The following SHOC1 variants were observed in gnomAD, a reference collection of about 807,000 sequenced individuals.
SHOC1 encodes the protein shortage in chiasmata 1, also known as protein shortage in chiasmata 1 ortholog.
In SHOC1, 136 loss-of-function variants were observed where a neutral mutation model predicts 179.2. The ratio of observed to expected loss-of-function variants is 0.76; its 90% CI spans 0.66 to 0.87. SHOC1 has a LOEUF of 0.87. SHOC1 is among the 40% of genes least tolerant of loss of function. The pLI is 0.00. For synonymous variants in SHOC1, 489 were observed against 586.6 expected, an observed-to-expected ratio of 0.83 and a Z score of 2.41; for missense variants, 1,538 against 1,700.8, an observed-to-expected ratio of 0.90 and a Z score of 1.68.
chr9:111,700,463 G>C (rs1028213202), intron 23 of SHOC1, among the ~76,000 whole-genome samples: 28 of 152,252 alleles, frequency 1.8e-4, no homozygotes, highest in African/African-American at 6.7e-4. Flanking sequence ...GTTAGAAAAT[G>C]CATCTTTTTC....
chr9:111,718,420 C>T, intron 15 of SHOC1, 132 bp from the exon 16 acceptor site: 1 of 472,628 alleles, frequency 2.1e-6, no homozygotes, highest in South Asian at 4.5e-5. Context: ...TGTATATAAG[C>T]TGGCTATTTC....
At chr9:111,754,126 A>T (rs1834742830) in intron 8 of SHOC1, among the ~76,000 whole-genome samples, 1 of 152,220 alleles carries the variant, frequency 6.6e-6, no homozygotes, top group Admixed American at 6.5e-5. Flanking sequence ...ATGTATATGT[A>T]TATCAAAATA....
At chr9:111,755,356 C>T (rs1414936017) in intron 8 of SHOC1, among the ~76,000 whole-genome samples, 3 of 152,154 alleles carry the variant, frequency 2.0e-5, no homozygotes, top group African/African-American at 7.2e-5. Context: ...AACAGTAATT[C>T]CCTGATTTAG....
At chr9:111,765,864 C>T (rs1835333864) in intron 5 of SHOC1, among the ~76,000 whole-genome samples, 2 of 151,966 alleles carry the variant, frequency 1.3e-5, no homozygotes, top group Non-Finnish European at 2.9e-5. Context: ...CAGGTGCACA[C>T]CACCACACCC....
At chr9:111,687,021 C>T (rs992394341) in intron 27 of SHOC1, 151 bp from the exon 28 acceptor site, 3 of 412,324 alleles carry the variant, frequency 7.3e-6, no homozygotes, top group African/African-American at 2.1e-5. Flanking sequence ...TCTCGGCTCA[C>T]TTGCAACATC....
chr9:111,719,309 G>C (rs1196698993), intron 15 of SHOC1, among the ~76,000 whole-genome samples: 1 of 152,080 alleles, frequency 6.6e-6, no homozygotes, highest in African/African-American at 2.4e-5. Flanking sequence ...CAACTCTGGG[G>C]CCAATGAAAG....
intron 27 of SHOC1, among the ~76,000 whole-genome samples, chr9:111,690,935 G>A (rs919986557): frequency 6.6e-6 from 1 of 152,044 alleles, no homozygotes; most frequent in African/African-American, 2.4e-5. Flanking sequence ...ACCTTTGTAC[G>A]GCTGTTAGAA....
chr9:111,704,322 A>G (rs1008811178), intron 21 of SHOC1, among the ~76,000 whole-genome samples: 9 of 152,232 alleles, frequency 5.9e-5, no homozygotes, highest in African/African-American at 2.2e-4. Context: ...TTCTGCATTT[A>G]TCAGAATTTC....
chr9:111,727,874 C>T lies in SHOC1; in HGVS notation c.1593G>A (p.Lys531=), dbSNP rs1373959554. ...DKGAAKEEKP[K]NDQEPVNRII... ...TTCTGTTTACTGGTTCTTGGTCATT[C>T]TTTGGTTTTTCTTCTTTTGCTGCTC... is the stretch of plus-strand genomic sequence containing the variant. Residue 531 remains lysine, a synonymous_variant, in exon 13 of 28, where the codon AAG becomes AAA. Transcript: ENST00000682961. 1 of 1,612,620 alleles carries T rather than the reference C, an allele frequency of 6.2e-7. No individual in the cohort carries two copies. Among genetic ancestry groups the T allele is most frequent in the Non-Finnish European group, 8.5e-7 (1 of 1,179,494 alleles).
At chr9:111,753,122 T>A (rs1287301807) in intron 8 of SHOC1, among the ~76,000 whole-genome samples, 1 of 152,220 alleles carries the variant, frequency 6.6e-6, no homozygotes, top group Non-Finnish European at 1.5e-5. Flanking sequence ...CCTAGTTTTT[T>A]AAACTATATA....
intron 13 of SHOC1, among the ~76,000 whole-genome samples, chr9:111,727,088 C>T (rs1833327076): frequency 6.6e-6 from 1 of 152,056 alleles, no homozygotes; most frequent in Admixed American, 6.6e-5. Context: ...TTCTGGAATG[C>T]CTATTTTATT....
At chr9:111,735,717 G>A (rs1407835808) in intron 12 of SHOC1, among the ~76,000 whole-genome samples, 2 of 152,132 alleles carry the variant, frequency 1.3e-5, no homozygotes, top group East Asian at 3.9e-4. Flanking sequence ...TGGGATTGCT[G>A]GGTCAAATGG....
At position 111,722,559 on chromosome 9, in the gene SHOC1, G is replaced by T. The variant is rs780605235; in HGVS notation, c.1981C>A (p.Leu661Ile). ...SDSQCQAFCL[L>I]EAAASPILKN... The stretch of plus-strand genomic sequence containing the variant: ...AAGATAGGAGAAGCTGCTGCTTCGA[G>T]GAGGCAAAATGCTTGGCACTGGCTA... The change falls in exon 15 of 28, where the codon CTC (leucine) becomes ATC (isoleucine). Residue 661 changes from leucine (L) to isoleucine (I), a missense_variant. Transcript: ENST00000682961. 6.2e-7 allele frequency: 1 copy of T among 1,604,290 alleles called. No homozygotes were observed. Among genetic ancestry groups the T allele is most frequent in the Non-Finnish European group, 8.5e-7 (1 of 1,177,958 alleles).
intron 6 of SHOC1, among the ~76,000 whole-genome samples, 172 bp from the exon 7 acceptor site, chr9:111,758,367 G>C (rs1223739670): frequency 6.6e-6 from 1 of 152,148 alleles, no homozygotes; most frequent in Non-Finnish European, 1.5e-5. Context: ...AGGCCGAGGC[G>C]GGTGGATCAC....
At chr9:111,740,882 TTTTG>T (rs765635953) in intron 11 of SHOC1, among the ~76,000 whole-genome samples, 40 of 152,206 alleles carry the variant, frequency 2.6e-4, no homozygotes, top group Non-Finnish European at 5.4e-4. Context: ...ATTTTTTTTG[TTTTG>T]TTTGTTTGTT....
chr9:111,711,099 C>CCAAAG lies in SHOC1; in HGVS notation c.2488+1996_2488+2000dup, dbSNP rs374919025. Among the ~76,000 whole-genome samples, 488 of 152,056 alleles carry CCAAAG rather than the reference C, an allele frequency of 3.2e-3. 1 individual carries two copies. The highest frequency in any genetic ancestry group is 0.011 in the African/African-American group (473 of 41,484). On this transcript the variant is annotated intron_variant, in intron 18 of 27. Coordinates refer to ENST00000682961, the MANE Select transcript of SHOC1 (RefSeq NM_001378211.1). ...TTGAGACTGCAGGAGGAGATGGTAT[C>CCAAAG]CAAAGCACAAGTGAAAGATTGGTCT...
At chr9:111,688,810 C>A (rs1831295205) in intron 27 of SHOC1, among the ~76,000 whole-genome samples, 1 of 105,862 alleles carries the variant, frequency 9.4e-6, no homozygotes, top group African/African-American at 5.4e-5. Flanking sequence ...AATACTCTTG[C>A]TTTTAAGTTT....
chr9:111,735,597 T>G (rs1371929707), intron 12 of SHOC1, among the ~76,000 whole-genome samples: 1 of 152,200 alleles, frequency 6.6e-6, no homozygotes, highest in African/African-American at 2.4e-5. Context: ...TGATGGGCAT[T>G]TGGGTTGGTT....
At chr9:111,752,192 T>C (rs1179455690) in intron 8 of SHOC1, among the ~76,000 whole-genome samples, 3 of 152,144 alleles carry the variant, frequency 2.0e-5, no homozygotes, top group African/African-American at 7.2e-5. Context: ...CAGTTCTACA[T>C]GAATTAGAGT....
Sources: gnomAD v4.1 joint callset for allele counts (sites outside exome capture counted in the v4.1 genomes callset) on GRCh38, gnomAD v4.1.1 for gene constraint, MANE v1.5 for transcripts, NCBI Gene and HGNC (gene_info 2026-07-23, HGNC 2026-07-21) for gene names.